Variants in ARSG observed in about 807,000 individuals in gnomAD.
ARSG encodes the protein ASG.
In ARSG, 37 loss-of-function variants were observed where a neutral mutation model predicts 50.5. That is an observed-to-expected ratio of 0.73 (90% confidence interval 0.56 to 0.96). The LOEUF (loss-of-function observed/expected upper bound fraction) is 0.96, where lower values mean the gene tolerates loss of function less well. Among genes scored for constraint, ARSG ranks in the 50% least tolerant of loss-of-function variants. ARSG has a pLI of 0.00. For synonymous variants in ARSG, 225 were observed against 254.6 expected (o/e 0.88, Z 1.11); for missense variants, 629 against 675.3 (o/e 0.93, Z 0.76).
the ARSG span, among the ~76,000 whole-genome samples, chr17:68,447,326 TTAAC>T: frequency 6.6e-6 from 1 of 152,196 alleles, no homozygotes; most frequent in South Asian, 2.1e-4. Flanking sequence ...AGAAATAACA[TTAAC>T]TAAAAATGAA....
chr17:68,437,001 A>ATATATATAT, the ARSG span, among the ~76,000 whole-genome samples: 21 of 51,498 alleles, frequency 4.1e-4, no homozygotes, highest in Admixed American at 4.1e-3. Context: ...CTCAAAAAAA[A>ATATATATAT]AAAAATATAT....
intron 1 of ARSG, chr17:68,269,326 T>A: frequency 8.1e-7 from 1 of 1,240,898 alleles, no homozygotes; most frequent in East Asian, 2.4e-5. Context: ...CTGTAGATCT[T>A]ACTTTGGTCC....
chr17:68,315,610 A>G (rs1301267711), intron 2 of ARSG, among the ~76,000 whole-genome samples: 2 of 151,810 alleles, frequency 1.3e-5, no homozygotes, highest in Non-Finnish European at 2.9e-5. Flanking sequence ...CAAGCATAAG[A>G]GGCAACCTGA....
upstream of ARSG, among the ~76,000 whole-genome samples, chr17:68,287,881 T>C (rs924690146): frequency 6.6e-6 from 1 of 152,138 alleles, no homozygotes. Flanking sequence ...AGTGCTTGGT[T>C]GCAGAATAAA....
intron 10 of ARSG, chr17:68,400,905 G>A (rs2081443159): frequency 6.5e-6 from 1 of 153,052 alleles, no homozygotes; most frequent in African/African-American, 2.4e-5. Flanking sequence ...GGAGTTGACT[G>A]GTGTGGACTC....
the ARSG span, among the ~76,000 whole-genome samples, chr17:68,448,974 G>T: frequency 6.6e-6 from 1 of 152,050 alleles, no homozygotes; most frequent in Non-Finnish European, 1.5e-5. Context: ...ATTTTTCACC[G>T]CACTGCTTTA....
intron 11 of ARSG, among the ~76,000 whole-genome samples, chr17:68,408,174 G>A (rs1473955667): frequency 6.6e-6 from 1 of 151,798 alleles, no homozygotes; most frequent in Non-Finnish European, 1.5e-5. Flanking sequence ...CGCACAATGT[G>A]CAGGTTAGTT....
chr17:68,313,004 G>A (rs1385433302), intron 2 of ARSG, among the ~76,000 whole-genome samples: 3 of 152,208 alleles, frequency 2.0e-5, no homozygotes, highest in African/African-American at 7.2e-5. Context: ...GCTCACACCT[G>A]TAATCCCAGC....
chr17:68,347,248 A>C, intron 4 of ARSG, 76 bp downstream of exon 4: 1 of 1,519,400 alleles, frequency 6.6e-7, no homozygotes, highest in Non-Finnish European at 9.1e-7. Flanking sequence ...ATGAACAGCT[A>C]AGCCATCCTG....
At chr17:68,393,204 C>T (rs372633790) in intron 9 of ARSG, among the ~76,000 whole-genome samples, 2 of 152,198 alleles carry the variant, frequency 1.3e-5, no homozygotes, top group African/African-American at 4.8e-5. Context: ...GTTTTAGTTA[C>T]CTGTGATCAA....
intron 11 of ARSG, chr17:68,413,986 G>A (rs961156960): frequency 2.6e-5 from 4 of 155,092 alleles, no homozygotes; most frequent in Non-Finnish European, 5.7e-5. Context: ...CGCACGGTGC[G>A]CGCACCCACT....
intron 2 of ARSG, among the ~76,000 whole-genome samples, chr17:68,328,145 A>T (rs1555773129): frequency 6.6e-6 from 1 of 151,698 alleles, no homozygotes. Flanking sequence ...TCGAAATGCC[A>T]CTCACCCCCA....
chr17:68,297,850 C>G (rs782751351), intron 1 of ARSG, among the ~76,000 whole-genome samples: 12 of 152,086 alleles, frequency 7.9e-5, no homozygotes, highest in Non-Finnish European at 1.6e-4. Context: ...TCCCTTTATC[C>G]TCAAAACAAT....
rs1218329027 is a variant in ARSG at position 68,291,500 on chromosome 17, C to G, written c.-620C>G. The G allele has an allele frequency of 6.7e-5, 10 of 149,790 alleles. No homozygotes were observed. Among genetic ancestry groups the G allele is most frequent in the African/African-American group, 1.7e-4 (7 of 40,986 alleles). The allele number at this position is 149,790 out of a possible 1,614,324, so 9.3% of individuals were successfully genotyped here. Reference sequence around the variant, plus strand: ...GGCCTGCCTGGCGCGCGCGCGCCGTCCCACGTGGACCTGAGCCGCGCCGGT... The same window carrying G: ...GGCCTGCCTGGCGCGCGCGCGCCGTGCCACGTGGACCTGAGCCGCGCCGGT... On this transcript the variant is annotated 5_prime_UTR_variant, in exon 1 of 12. Transcript: ENST00000621439.
downstream of ARSG, chr17:68,425,799 C>T (rs1027891590): frequency 1.6e-5 from 6 of 364,590 alleles, no homozygotes; most frequent in Middle Eastern, 7.7e-4. Flanking sequence ...AGTAAGGGAT[C>T]GCAGGCCTCT....
chr17:68,274,663 T>G (rs2145004251), intron 1 of ARSG: 1 of 152,352 alleles, frequency 6.6e-6, no homozygotes, highest in South Asian at 2.1e-4. Context: ...GTATTGAATT[T>G]ATGTTATTCT....
chr17:68,259,685 GT>G (rs1218597115), intron 1 of ARSG, among the ~76,000 whole-genome samples: 3 of 152,300 alleles, frequency 2.0e-5, no homozygotes, highest in Admixed American at 6.5e-5. Context: ...AATGCTGAAT[GT>G]TTTATGTCCT....
chr17:68,354,420 AAAAAAAAG>A (rs1386172334), intron 5 of ARSG, among the ~76,000 whole-genome samples: 1 of 149,512 alleles, frequency 6.7e-6, no homozygotes, highest in Non-Finnish European at 1.5e-5. Flanking sequence ...CTCAAAAAAA[AAAAAAAAG>A]AAAAAAAGAA....
At chr17:68,395,267 A>G (rs1281561013) in intron 10 of ARSG, 74 bp downstream of exon 10, 2 of 1,583,514 alleles carry the variant, frequency 1.3e-6, no homozygotes, top group Middle Eastern at 1.7e-4. Context: ...CTCTGTGCAG[A>G]CAGAACCATC....
Sources: allele counts gnomAD v4.1 joint callset (sites outside exome capture counted in the v4.1 genomes callset), GRCh38; gene constraint gnomAD v4.1.1; transcripts MANE v1.5; gene names NCBI Gene and HGNC (gene_info 2026-07-23, HGNC 2026-07-21).